Variants in CDH23 observed in about 807,000 individuals in gnomAD.
The protein encoded by CDH23 is cadherin-23.
Under a neutral mutation model 317.1 loss-of-function variants are expected in CDH23, and 189 were observed. The observed-to-expected ratio is 0.60, with a 90% CI of 0.53 to 0.67. The LOEUF (loss-of-function observed/expected upper bound fraction) is 0.67. Ranked by LOEUF, CDH23 falls within the 30% of genes least tolerant of loss-of-function variation. The probability of loss-of-function intolerance (pLI) is 0.00; values close to 1 mark genes in which losing one functional copy is unlikely to be tolerated. For synonymous variants in CDH23, 1,839 were observed against 1,876.8 expected, an observed-to-expected ratio of 0.98 and a Z score of 0.52; for missense variants, 4,401 against 4,592.4, an observed-to-expected ratio of 0.96 and a Z score of 1.20.
intron 9 of CDH23, among the ~76,000 whole-genome samples, chr10:71,610,041 A>G (rs113775293): frequency 6.7e-6 from 1 of 148,680 alleles, no homozygotes; most frequent in African/African-American, 2.5e-5. Context: ...GTCTCACTCT[A>G]TCACCCAGGC....
At chr10:71,452,697 T>C (rs957275549) in intron 3 of CDH23, among the ~76,000 whole-genome samples, 2 of 152,218 alleles carry the variant, frequency 1.3e-5, no homozygotes, top group Admixed American at 1.3e-4. Flanking sequence ...TAATTTTTAC[T>C]TATTAATCTT....
At chr10:71,808,138 A>G in intron 60 of CDH23, 131 bp downstream of exon 60, 8 of 1,052,086 alleles carry the variant, frequency 7.6e-6, no homozygotes, top group South Asian at 4.6e-5. Flanking sequence ...AGCCACACCA[A>G]TCCTATTCAT....
At chr10:71,761,881 C>T (rs141749370) in intron 38 of CDH23, 16 of 1,613,972 alleles carry the variant, frequency 9.9e-6, no homozygotes, top group Middle Eastern at 1.6e-4. Flanking sequence ...CCTCGCCCCT[C>T]GAGCTGCGGT....
At chr10:71,656,585 G>A (rs887167533) in intron 14 of CDH23, among the ~76,000 whole-genome samples, 7 of 152,260 alleles carry the variant, frequency 4.6e-5, no homozygotes, top group African/African-American at 1.7e-4. Context: ...GGGGAAATAC[G>A]ACTGGGCAGG....
intron 2 of CDH23, among the ~76,000 whole-genome samples, chr10:71,442,177 G>C (rs1324446497): frequency 6.6e-6 from 1 of 152,216 alleles, no homozygotes; most frequent in Non-Finnish European, 1.5e-5. Flanking sequence ...AATTGCCCAA[G>C]GTCACCCAGC....
chr10:71,441,251 C>T (rs1849863271), intron 2 of CDH23, among the ~76,000 whole-genome samples: 1 of 152,086 alleles, frequency 6.6e-6, no homozygotes. Context: ...CACCCCGCTC[C>T]CCCCCTGCCT....
chr10:71,653,493 T>A (rs905936950), intron 14 of CDH23, among the ~76,000 whole-genome samples: 1 of 152,230 alleles, frequency 6.6e-6, no homozygotes, highest in African/African-American at 2.4e-5. Flanking sequence ...GCTGGAAACC[T>A]AATAGCCCAG....
chr10:71,768,321 C>T (rs1281384523), intron 38 of CDH23, among the ~76,000 whole-genome samples: 2 of 152,188 alleles, frequency 1.3e-5, no homozygotes, highest in Non-Finnish European at 2.9e-5. Context: ...CAGGCACCCG[C>T]CACCACGCCT....
chr10:71,805,973 C>T lies in CDH23; in HGVS notation c.8040C>T (p.Asp2680=), dbSNP rs1379358750. 9 of 1,612,488 alleles carry T rather than the reference C, an allele frequency of 5.6e-6. No individual in the cohort carries two copies. The highest frequency in any genetic ancestry group is 5.0e-5 in the Admixed American group (3 of 59,914). Residue 2680 remains aspartate, a synonymous_variant, in exon 56 of 70, where the codon GAC becomes GAT. Transcript: ENST00000224721. ...TCATCCAGACTGCTCAGCGCCTGGA[C>T]CGCGAGTCGCAGGCGGTGTACAGCG... The part of the protein sequence containing the change: ...SGLIQTAQRL[D]RESQAVYSLI...
chr10:71,695,025 C>T (rs769928016), intron 21 of CDH23, among the ~76,000 whole-genome samples: 17 of 152,184 alleles, frequency 1.1e-4, no homozygotes, highest in Non-Finnish European at 2.1e-4. Flanking sequence ...AAATAATGTA[C>T]CTGGTGGCAG....
At chr10:71,774,793 T>C (rs755483788) in intron 38 of CDH23, among the ~76,000 whole-genome samples, 2 of 152,158 alleles carry the variant, frequency 1.3e-5, no homozygotes, top group Non-Finnish European at 2.9e-5. Context: ...AGGTGACTCC[T>C]AGGCTGAGAG....
intron 28 of CDH23, chr10:71,715,284 G>T (rs536282106): frequency 4.6e-5 from 7 of 152,382 alleles, no homozygotes; most frequent in Admixed American, 1.3e-4. Context: ...GCCCTGAAGA[G>T]GGGCCACCAA....
At chr10:71,669,675 T>C (rs1864061697) in intron 14 of CDH23, among the ~76,000 whole-genome samples, 1 of 152,200 alleles carries the variant, frequency 6.6e-6, no homozygotes, top group Non-Finnish European at 1.5e-5. Flanking sequence ...CTTGATCTCT[T>C]GATCTCAGGT....
At chr10:71,519,167 G>C (rs939445407) in intron 6 of CDH23, among the ~76,000 whole-genome samples, 5 of 152,182 alleles carry the variant, frequency 3.3e-5, no homozygotes, top group Non-Finnish European at 5.9e-5. Flanking sequence ...GAAGCAGGGG[G>C]ACTGTGCAGA....
At chr10:71,734,212 A>T in intron 32 of CDH23, 28 bp from the exon 33 acceptor site, 1 of 1,562,886 alleles carries the variant, frequency 6.4e-7, no homozygotes, top group Non-Finnish European at 8.7e-7. Flanking sequence ...CGATGTTGTC[A>T]CTCACCCATC....
intron 11 of CDH23, among the ~76,000 whole-genome samples, chr10:71,627,130 ATC>A (rs1052645726): frequency 2.0e-5 from 3 of 152,158 alleles, no homozygotes; most frequent in African/African-American, 7.2e-5. Flanking sequence ...ACCTCTCCGC[ATC>A]TCTGTTTCCC....
chr10:71,577,852 A>G (rs1858323745), intron 8 of CDH23, 62 bp from the exon 9 acceptor site: 1 of 1,394,252 alleles, frequency 7.2e-7, no homozygotes, highest in South Asian at 1.2e-5. Context: ...GTGCCATGAT[A>G]GCTACAAAGA....
At chr10:71,627,549 G>A (rs148188584) in intron 11 of CDH23, among the ~76,000 whole-genome samples, 3 of 152,140 alleles carry the variant, frequency 2.0e-5, no homozygotes, top group Admixed American at 6.5e-5. Flanking sequence ...TGCTATTTAC[G>A]CCAAGCCCTG....
intron 16 of CDH23, 49 bp from the exon 17 acceptor site, chr10:71,679,317 AGCTGCCCACCCTCTTCTGGCC>A: frequency 4.6e-6 from 3 of 652,362 alleles, no homozygotes; most frequent in Non-Finnish European, 8.4e-6. Context: ...CCACCCTCCC[AGCTGCCCACCCTCTTCTGGCC>A]CCCAGTCTCC....
Sources: gnomAD v4.1 joint callset for allele counts (sites outside exome capture counted in the v4.1 genomes callset) on GRCh38, gnomAD v4.1.1 for gene constraint, MANE v1.5 for transcripts, NCBI Gene and HGNC (gene_info 2026-07-23, HGNC 2026-07-21) for gene names.